EFNA5: variants seen among roughly 807,000 people sequenced by gnomAD.
The protein encoded by EFNA5 is ephrin A5, also known as ephrin-A5.
A neutral mutation model predicts 22.9 loss-of-function variants in EFNA5; 5 were observed. The ratio of observed to expected loss-of-function variants is 0.22; its 90% confidence interval spans 0.11 to 0.46. The LOEUF (loss-of-function observed/expected upper bound fraction) is 0.46. EFNA5 is among the 20% of genes least tolerant of loss of function. The pLI is 0.99. For synonymous variants in EFNA5, 113 were observed against 112.2 expected (o/e 1.01, Z -0.04); for missense variants, 237 against 293.3 (o/e 0.81, Z 1.40).
At chr5:107,580,039 C>A (rs867757132) in intron 1 of EFNA5, among the ~76,000 whole-genome samples, 49 of 152,174 alleles carry the variant, frequency 3.2e-4, no homozygotes, top group Non-Finnish European at 5.9e-4. Context: ...GAATTTCAAC[C>A]ATAATTCAGC....
At chr5:107,479,590 A>C (rs527315244) in intron 1 of EFNA5, among the ~76,000 whole-genome samples, 2 of 152,330 alleles carry the variant, frequency 1.3e-5, no homozygotes, top group Admixed American at 1.3e-4. Context: ...ACTGGTGTTC[A>C]TGAACAAGAA....
At chr5:107,431,774 A>G (rs1394025136) in intron 1 of EFNA5, among the ~76,000 whole-genome samples, 2 of 152,274 alleles carry the variant, frequency 1.3e-5, no homozygotes, top group Non-Finnish European at 1.5e-5. Flanking sequence ...GATGCAACAA[A>G]TATTTGCTGC....
chr5:107,618,441 A>G (rs963819997), intron 1 of EFNA5, among the ~76,000 whole-genome samples: 3 of 152,174 alleles, frequency 2.0e-5, no homozygotes, highest in African/African-American at 7.2e-5. Context: ...TATGATTCCT[A>G]GGGACTGTAG....
At chr5:107,410,794 G>A (rs1474908452) in intron 2 of EFNA5, among the ~76,000 whole-genome samples, 2 of 152,084 alleles carry the variant, frequency 1.3e-5, no homozygotes, top group African/African-American at 4.8e-5. Context: ...TCTTACATTT[G>A]AGAAAACAGA....
intron 1 of EFNA5, among the ~76,000 whole-genome samples, chr5:107,662,215 C>T (rs1750977931): frequency 6.6e-6 from 1 of 152,134 alleles, no homozygotes; most frequent in Admixed American, 6.5e-5. Flanking sequence ...TGAACTTTAA[C>T]CGCGATACAT....
At chr5:107,569,029 C>T (rs1176794149) in intron 1 of EFNA5, among the ~76,000 whole-genome samples, 2 of 152,074 alleles carry the variant, frequency 1.3e-5, no homozygotes, top group Non-Finnish European at 1.5e-5. Flanking sequence ...AAGTCCTTTT[C>T]CTGAGCTTTT....
intron 1 of EFNA5, among the ~76,000 whole-genome samples, chr5:107,550,338 A>G (rs1193180784): frequency 6.6e-6 from 1 of 152,252 alleles, no homozygotes; most frequent in Non-Finnish European, 1.5e-5. Flanking sequence ...GTAAATTGTC[A>G]TTGATATAAT....
chr5:107,602,397 A>T (rs1166283529), intron 1 of EFNA5, among the ~76,000 whole-genome samples: 1 of 152,244 alleles, frequency 6.6e-6, no homozygotes, highest in Non-Finnish European at 1.5e-5. Flanking sequence ...GAAAGAAAAA[A>T]GTCACAATAA....
At chr5:107,588,512 T>C (rs924512049) in intron 1 of EFNA5, among the ~76,000 whole-genome samples, 4 of 152,198 alleles carry the variant, frequency 2.6e-5, no homozygotes, top group Admixed American at 1.3e-4. Context: ...CATAGACCAG[T>C]TTATGCTCCA....
At chr5:107,447,020 T>C (rs1010069252) in intron 1 of EFNA5, among the ~76,000 whole-genome samples, 1 of 152,130 alleles carries the variant, frequency 6.6e-6, no homozygotes, top group Non-Finnish European at 1.5e-5. Context: ...GGGAGGAAAA[T>C]CTTACTTGCC....
chr5:107,588,454 G>A (rs772832269), intron 1 of EFNA5, among the ~76,000 whole-genome samples: 4 of 152,044 alleles, frequency 2.6e-5, no homozygotes, highest in Admixed American at 6.6e-5. Context: ...GGCTGATTCC[G>A]CTCGAGCCAT....
intron 2 of EFNA5, among the ~76,000 whole-genome samples, chr5:107,410,491 G>A (rs1178245464): frequency 6.6e-6 from 1 of 152,112 alleles, no homozygotes; most frequent in African/African-American, 2.4e-5. Flanking sequence ...TACTTTAAAT[G>A]TGAATGGGAT....
At chr5:107,607,515 C>G (rs569784111) in intron 1 of EFNA5, among the ~76,000 whole-genome samples, 3 of 152,200 alleles carry the variant, frequency 2.0e-5, no homozygotes, top group Admixed American at 2.0e-4. Flanking sequence ...TTTTTTTTCA[C>G]AGATTTCAGA....
intron 1 of EFNA5, among the ~76,000 whole-genome samples, chr5:107,524,046 A>C (rs980727387): frequency 1.3e-5 from 2 of 152,214 alleles, no homozygotes; most frequent in African/African-American, 4.8e-5. Context: ...TTAGATCTTG[A>C]TAATCAACCT....
intron 1 of EFNA5, among the ~76,000 whole-genome samples, chr5:107,655,709 A>G (rs1561461604): frequency 6.6e-6 from 1 of 152,164 alleles, no homozygotes; most frequent in Admixed American, 6.6e-5. Context: ...ATCCATCTAA[A>G]TAACTATAAA....
intron 1 of EFNA5, among the ~76,000 whole-genome samples, chr5:107,659,440 T>C (rs1244385161): frequency 6.6e-6 from 1 of 151,972 alleles, no homozygotes; most frequent in African/African-American, 2.4e-5. Flanking sequence ...CTTTAAGGTC[T>C]TCCCTTACCA....
At position 107,513,742 on chromosome 5, in the gene EFNA5, C is replaced by T. The variant is rs557886239; in HGVS notation, c.126-86233G>A. Among the ~76,000 whole-genome samples the T allele has an allele frequency of 3.9e-4, 59 of 152,226 alleles. No homozygotes were observed. The South Asian group carries it at 0.011, about 29-fold the overall frequency. On this transcript the variant is annotated intron_variant, in intron 1 of 4. Transcript: ENST00000333274. ...GCTGGTGGTATCCGTCCATTAAAAA[C>T]AGGCTCTTCACTGAGATACTGGGCT...
Position 107,427,381 on chromosome 5 carries a change from T to C in EFNA5, c.254A>G (p.Asp85Gly), listed in dbSNP as rs1373923050. Residue 85 changes from aspartate (D) to glycine (G), a missense_variant, in exon 2 of 5, where the codon GAT (aspartate) becomes GGT (glycine). Coordinates refer to ENST00000333274, the MANE Select transcript of EFNA5 (RefSeq NM_001962.3). ...ERYVLYMVNF[D>G]GYSACDHTSK... The stretch of plus-strand genomic sequence containing the variant: ...AGTGTGGTCGCAGGCACTGTAGCCA[T>C]CAAAGTTCACCATGTAGAGGACATA... 1.2e-6 allele frequency: 2 copies of C among 1,614,086 alleles called. No individual in the cohort carries two copies. The highest frequency in any genetic ancestry group is 2.2e-5 in the South Asian group (2 of 91,082).
intron 1 of EFNA5, among the ~76,000 whole-genome samples, chr5:107,499,641 AT>A (rs1312775851): frequency 1.3e-5 from 2 of 152,190 alleles, no homozygotes; most frequent in African/African-American, 4.8e-5. Flanking sequence ...GTGCACAGAG[AT>A]ACAGGTATTA....
Sources: allele counts gnomAD v4.1 joint callset (sites outside exome capture counted in the v4.1 genomes callset), GRCh38; gene constraint gnomAD v4.1.1; transcripts MANE v1.5; gene names NCBI Gene and HGNC (gene_info 2026-07-23, HGNC 2026-07-21).